Variants in TEKT4 observed in about 807,000 individuals in gnomAD.
TEKT4 encodes tektin 4.
Under a neutral mutation model 46.0 loss-of-function variants are expected in TEKT4, and 46 were observed. The ratio of observed to expected loss-of-function variants is 1.00; its 90% CI spans 0.79 to 1.28. The LOEUF is 1.28. Among genes scored for constraint, TEKT4 ranks in the 50% most tolerant of loss-of-function variants. The pLI is 0.00. For missense variants in TEKT4, 790 were observed against 622.9 expected (o/e 1.27, Z -2.85); for synonymous variants, 325 against 265.8 (o/e 1.22, Z -2.17).
Position 94,875,489 on chromosome 2 carries a change from GGACACAGCCCCAAGACCT to G in TEKT4, c.937-97_937-80del, listed in dbSNP as rs1680801703. 6 of 1,563,786 alleles carry G rather than the reference GGACACAGCCCCAAGACCT, an allele frequency of 3.8e-6. No individual in the cohort carries two copies. In the African/African-American group the frequency reaches 8.1e-5, roughly 21 times the overall value. On this transcript the variant is annotated intron_variant, in intron 4 of 5. Transcript: ENST00000295201. ...GGGCCACTGGTCAGGACTGCCCTCT[GGACACAGCCCCAAGACCT>G]GGGTAGGACCAGCCTGGTCTCGGCG... is the stretch of plus-strand genomic sequence containing the variant.
intron 3 of TEKT4, among the ~76,000 whole-genome samples, chr2:94,874,456 G>C (rs1417741425): frequency 1.3e-5 from 2 of 151,924 alleles, no homozygotes; most frequent in Non-Finnish European, 2.9e-5. Flanking sequence ...TGGGTACTAG[G>C]GAAGGGGGGC....
Position 94,872,335 on chromosome 2 carries a change from C to T in TEKT4, c.498+258C>T, listed in dbSNP as rs1573180653. The T allele has an allele frequency of 8.7e-5, 49 of 564,148 alleles. No individual in the cohort carries two copies. In the East Asian group the frequency reaches 1.5e-3, roughly 17 times the overall value. 34.9% of individuals were successfully genotyped at this position (564,148 alleles called of 1,614,324 possible). On this transcript the variant is annotated intron_variant, in intron 1 of 5. Coordinates refer to ENST00000295201, the MANE Select transcript of TEKT4 (RefSeq NM_144705.4). ...GAGTCCTGGCACAGTCATCCTGACC[C>T]TGGGCTCCCTGGGCTAAGCCACAAG...
At chr2:94,874,755 T>G in intron 3 of TEKT4, 21 bp from the exon 4 acceptor site, 1 of 1,537,894 alleles carries the variant, frequency 6.5e-7, no homozygotes, top group Non-Finnish European at 8.7e-7. Context: ...GACCCTCTCC[T>G]GGCTGTCCCC....
chr2:94,873,852 C>A, intron 2 of TEKT4, 113 bp from the exon 3 acceptor site: 5 of 1,457,496 alleles, frequency 3.4e-6, no homozygotes, highest in East Asian at 2.4e-5. Flanking sequence ...CCGGGACAGG[C>A]CCACCCAGAA....
rs1680555449 is a variant in TEKT4 at position 94,871,510 on chromosome 2, A to T, written c.-70A>T. The T allele has an allele frequency of 6.7e-7, 1 of 1,483,274 alleles. No individual in the cohort carries two copies. Among genetic ancestry groups the T allele is most frequent in the African/African-American group, 1.4e-5 (1 of 71,532 alleles). 91.9% of individuals were successfully genotyped at this position (1,483,274 alleles called of 1,614,324 possible). A position where few individuals can be genotyped will look rare whatever the true frequency, so the allele number is the denominator to read the frequency against. The stretch of plus-strand genomic sequence containing the variant: ...CCGTTGGAGCTGCCCCGCTGACCGC[A>T]CTAGGCTGACCGCAACCGGCTGACC... On this transcript the variant is annotated 5_prime_UTR_variant, in exon 1 of 6. Coordinates refer to ENST00000295201, the MANE Select transcript of TEKT4 (RefSeq NM_144705.4).
At chr2:94,872,846 CAAG>C (rs1553395063) in intron 1 of TEKT4, 1 of 1,289,384 alleles carries the variant, frequency 7.8e-7, no homozygotes, top group Non-Finnish European at 1.0e-6. Context: ...CTCAGTGCCT[CAAG>C]AACTCCTGCA....
Position 94,873,579 on chromosome 2 carries a change from G to A in TEKT4, c.558G>A (p.Val186=), listed in dbSNP as rs1680678367. Residue 186 remains valine (V), a synonymous_variant, in exon 2 of 6, where the codon GTG becomes GTA. Coordinates refer to ENST00000295201, the MANE Select transcript of TEKT4 (RefSeq NM_144705.4). ...TGAAGAGAACCATCATGCAAGCAGT[G>A]AGCCAGATCCGGTGGGTAGAGGGCT... ...ELLKRTIMQA[V]SQIRLNREHK... is the part of the protein sequence containing the mutation. 2.5e-6 allele frequency: 4 copies of A among 1,613,416 alleles called. No homozygotes were observed. The highest frequency in any genetic ancestry group is 3.4e-6 in the Non-Finnish European group (4 of 1,179,992).
rs781912293 is a variant in TEKT4 at position 94,874,864 on chromosome 2, G to T, written c.802G>T (p.Val268Leu). 31 of 1,609,314 alleles carry T rather than the reference G, an allele frequency of 1.9e-5. No individual in the cohort carries two copies. Among genetic ancestry groups the T allele is most frequent in the Non-Finnish European group, 2.6e-5 (31 of 1,178,514 alleles). The change falls in exon 4 of 6, where the codon GTG becomes TTG. Residue 268 changes from valine (V) to leucine (L), a missense_variant. Physicochemically the swap from Val to Leu is conservative, Grantham distance 32. Coordinates refer to ENST00000295201, the MANE Select transcript of TEKT4 (RefSeq NM_144705.4). ...GCGCCTGGCCTCGGCCAACCTGCGG[G>T]TGCTGGTGGACTGCATCCTTCGCGA... ...RERLASANLRVLVDCILRDTS... is the reference protein window; with the variant it reads ...RERLASANLRLLVDCILRDTS...
chr2:94,873,990 T>G lies in TEKT4; in HGVS notation c.595T>G (p.Cys199Gly). 6.3e-7 allele frequency: 1 copy of G among 1,576,982 alleles called. No homozygotes were observed. Among genetic ancestry groups the G allele is most frequent in the Non-Finnish European group, 8.6e-7 (1 of 1,156,624 alleles). Residue 199 changes from cysteine (C) to glycine (G), a missense_variant, in exon 3 of 6, where the codon TGC becomes GGC. Physicochemically the swap from Cys to Gly is radical, Grantham distance 159. Coordinates refer to ENST00000295201, the MANE Select transcript of TEKT4 (RefSeq NM_144705.4). ...ACTGAACCGGGAGCACAAGGAGACC[T>G]GCGAGATGGACTGGTCAGACAAGAT... Reference protein sequence around the residue: ...IRLNREHKETCEMDWSDKMEA... With the variant: ...IRLNREHKETGEMDWSDKMEA...
intron 2 of TEKT4, among the ~76,000 whole-genome samples, 157 bp from the exon 3 acceptor site, chr2:94,873,808 G>A (rs150570218): frequency 6.7e-4 from 102 of 152,182 alleles, no homozygotes; most frequent in African/African-American, 2.1e-3. Flanking sequence ...AGCCTGGGCC[G>A]CAGCTCCTGG....
At position 94,874,109 on chromosome 2, in the gene TEKT4, G is replaced by A. The variant is rs782421350; in HGVS notation, c.713+1G>A. The A allele has an allele frequency of 3.7e-6, 6 of 1,613,266 alleles. No individual in the cohort carries two copies. The highest frequency in any genetic ancestry group is 5.1e-6 in the Non-Finnish European group (6 of 1,179,832). On this transcript the variant is annotated splice_donor_variant, in intron 3 of 5. Transcript: ENST00000295201. LOFTEE classifies it high-confidence loss of function. ...CGTACTCCACCACCTTCCAAGAGAG[G>A]TGGGCCCCAGCTCTGCCCCTGCACT...
chr2:94,873,310 A>C, intron 1 of TEKT4: 2 of 1,419,592 alleles, frequency 1.4e-6, no homozygotes, highest in Non-Finnish European at 1.8e-6. Flanking sequence ...AAGGCCCTGG[A>C]GGAAAACACC....
chr2:94,872,077 G>A lies in TEKT4; in HGVS notation c.498G>A (p.Lys166=). 1 of 1,540,352 alleles carries A rather than the reference G, an allele frequency of 6.5e-7. No individual in the cohort carries two copies. Among genetic ancestry groups the A allele is most frequent in the Non-Finnish European group, 8.7e-7 (1 of 1,143,440 alleles). ...ACCATGTGGAAACGGAGCTGCTGAA[G>A]GTGCCAGCACCCTTGGGTGGCCGGG... The part of the protein sequence containing the change: ...VRDHVETELL[K]EAELIRNIQE... The change falls in exon 1 of 6, where the codon AAG becomes AAA. Residue 166 remains lysine (K), a splice_region_variant and synonymous_variant. Transcript: ENST00000295201.
intron 3 of TEKT4, 28 bp downstream of exon 3, chr2:94,874,136 G>A (rs1486537557): frequency 6.2e-7 from 1 of 1,605,412 alleles, no homozygotes; most frequent in Non-Finnish European, 8.5e-7. Context: ...CCCTGCACTT[G>A]CCCTGGCTGT....
At chr2:94,873,253 C>T in intron 1 of TEKT4, 1 of 1,334,910 alleles carries the variant, frequency 7.5e-7, no homozygotes, top group Non-Finnish European at 9.6e-7. Context: ...CTCCTGAAGC[C>T]TGGGGCGTGG....
intron 2 of TEKT4, 101 bp downstream of exon 2, chr2:94,873,691 G>A: frequency 6.6e-7 from 1 of 1,505,826 alleles, no homozygotes; most frequent in Non-Finnish European, 9.0e-7. Context: ...GAGCCAGCAG[G>A]GGCTGCCCCA....
intron 2 of TEKT4, 82 bp from the exon 3 acceptor site, chr2:94,873,883 T>G (rs1345688043): frequency 4.9e-5 from 76 of 1,566,774 alleles, no homozygotes; most frequent in Non-Finnish European, 6.1e-5. Flanking sequence ...AGGCAGGCAT[T>G]GGGGCCCAGC....
Position 94,875,623 on chromosome 2 carries a change from G to C in TEKT4, c.972G>C (p.Val324=), listed in dbSNP as rs371165039. The change falls in exon 5 of 6, where the codon GTG becomes GTC. Residue 324 remains valine, a synonymous_variant. Transcript: ENST00000295201. ...AAATCACAGATCAGGAACACAACGT[G>C]GCGGCACTGAAGCAGGCCATCAAGG... ...LREITDQEHN[V]AALKQAIKDK... The C allele has an allele frequency of 6.2e-6, 10 of 1,614,030 alleles. No homozygotes were observed. The highest frequency in any genetic ancestry group is 7.6e-6 in the Non-Finnish European group (9 of 1,180,016).
chr2:94,872,080 G>A lies in TEKT4; in HGVS notation c.498+3G>A, dbSNP rs1553394799. 4 of 1,536,022 alleles carry A rather than the reference G, an allele frequency of 2.6e-6. No individual in the cohort carries two copies. Among genetic ancestry groups the A allele is most frequent in the East Asian group, 2.5e-5 (1 of 40,700 alleles). On this transcript the variant is annotated splice_donor_region_variant and intron_variant, in intron 1 of 5. Coordinates refer to ENST00000295201, the MANE Select transcript of TEKT4 (RefSeq NM_144705.4). ...ATGTGGAAACGGAGCTGCTGAAGGT[G>A]CCAGCACCCTTGGGTGGCCGGGATT...
Sources: allele counts gnomAD v4.1 joint callset (sites outside exome capture counted in the v4.1 genomes callset), GRCh38; gene constraint gnomAD v4.1.1; transcripts MANE v1.5; gene names NCBI Gene and HGNC (gene_info 2026-07-23, HGNC 2026-07-21).